Variants in NRG1 observed in about 807,000 individuals in gnomAD.
NRG1 encodes the protein pro-neuregulin-1, membrane-bound isoform.
A neutral mutation model predicts 63.8 loss-of-function variants in NRG1; 18 were observed. The ratio of observed to expected loss-of-function variants is 0.28; its 90% confidence interval spans 0.19 to 0.42. NRG1 has a LOEUF of 0.42. NRG1 is among the 10% of genes least tolerant of loss of function. The pLI is 1.00. For synonymous variants in NRG1, 302 were observed against 301.3 expected, an observed-to-expected ratio of 1.00 and a Z score of -0.02; for missense variants, 762 against 814.7, an observed-to-expected ratio of 0.94 and a Z score of 0.79.
At chr8:31,970,930 G>T (rs1264302562) in intron 1 of NRG1, among the ~76,000 whole-genome samples, 2 of 152,048 alleles carry the variant, frequency 1.3e-5, no homozygotes, top group South Asian at 4.2e-4. Context: ...TGTAGTCCCA[G>T]CTACTCGGGA....
chr8:32,717,122 A>T (rs1417898910), intron 5 of NRG1, among the ~76,000 whole-genome samples: 1 of 152,152 alleles, frequency 6.6e-6, no homozygotes, highest in African/African-American at 2.4e-5. Context: ...CACTAAAGAC[A>T]CAGAATTTGC....
chr8:32,079,579 A>C (rs988766051), intron 1 of NRG1, among the ~76,000 whole-genome samples: 2 of 152,218 alleles, frequency 1.3e-5, no homozygotes, highest in Non-Finnish European at 2.9e-5. Context: ...TTTAAAAATG[A>C]ATACATAATG....
chr8:31,699,296 G>A (rs1322871172), intron 1 of NRG1, among the ~76,000 whole-genome samples: 1 of 152,002 alleles, frequency 6.6e-6, no homozygotes, highest in Non-Finnish European at 1.5e-5. Flanking sequence ...CCTTTTAGAA[G>A]CCCAGGTAAC....
At chr8:32,388,569 A>G (rs1443520140) in intron 1 of NRG1, among the ~76,000 whole-genome samples, 2 of 152,138 alleles carry the variant, frequency 1.3e-5, no homozygotes, top group Non-Finnish European at 2.9e-5. Flanking sequence ...TCTGGGAAGG[A>G]TGGGTCTGGA....
At chr8:32,226,844 AGAGG>A (rs1846378605) in intron 1 of NRG1, among the ~76,000 whole-genome samples, 1 of 152,196 alleles carries the variant, frequency 6.6e-6, no homozygotes, top group South Asian at 2.1e-4. Flanking sequence ...TCACAACAAA[AGAGG>A]AAGGAAGTTC....
intron 1 of NRG1, among the ~76,000 whole-genome samples, chr8:31,679,515 T>C (rs1808096530): frequency 6.6e-6 from 1 of 152,120 alleles, no homozygotes; most frequent in African/African-American, 2.4e-5. Context: ...ATGTAAAAAC[T>C]GCATTCCATA....
At chr8:31,639,314 C>A (rs1803503609) in exon 1 of NRG1, 3 of 1,502,644 alleles carry the variant, frequency 2.0e-6, no homozygotes, top group Admixed American at 3.9e-5. Context: ...GCACTCGGGG[C>A]GACAGAGAGG....
chr8:31,766,109 A>C (rs777769628), intron 1 of NRG1, among the ~76,000 whole-genome samples: 1 of 152,186 alleles, frequency 6.6e-6, no homozygotes, highest in Non-Finnish European at 1.5e-5. Context: ...ATTCAGGAAC[A>C]GGCAAGAGAC....
intron 1 of NRG1, among the ~76,000 whole-genome samples, chr8:31,866,486 C>T (rs1439956850): frequency 6.6e-6 from 1 of 152,084 alleles, no homozygotes; most frequent in East Asian, 1.9e-4. Context: ...TGTTGACTTT[C>T]ATTGCTACAT....
intron 1 of NRG1, among the ~76,000 whole-genome samples, chr8:31,671,579 T>C (rs771099111): frequency 3.4e-4 from 52 of 152,196 alleles, no homozygotes; most frequent in Admixed American, 1.1e-3. Flanking sequence ...ATCTTCCTTC[T>C]TAAAGACAGA....
At chr8:31,730,761 C>T (rs1813953802) in intron 1 of NRG1, among the ~76,000 whole-genome samples, 1 of 151,908 alleles carries the variant, frequency 6.6e-6, no homozygotes, top group South Asian at 2.1e-4. Context: ...TAGGCAAAAA[C>T]CAAGAAGAAA....
chr8:32,664,701 G>A (rs922513452), intron 5 of NRG1, among the ~76,000 whole-genome samples: 2 of 152,108 alleles, frequency 1.3e-5, no homozygotes, highest in Non-Finnish European at 2.9e-5. Flanking sequence ...GAAATGGGAT[G>A]CCATGCATGA....
At chr8:32,198,270 T>C (rs1308519221) in intron 1 of NRG1, among the ~76,000 whole-genome samples, 1 of 151,996 alleles carries the variant, frequency 6.6e-6, no homozygotes, top group East Asian at 1.9e-4. Flanking sequence ...CTCTGCCTCC[T>C]GGGTCCTAGC....
chr8:32,107,060 TACAACAACA>T (rs10633352), intron 1 of NRG1, among the ~76,000 whole-genome samples: 8 of 150,070 alleles, frequency 5.3e-5, no homozygotes, highest in Non-Finnish European at 4.4e-5. Context: ...CTACTAAAAA[TACAACAACA>T]ACAACAACAA....
intron 7 of NRG1, among the ~76,000 whole-genome samples, chr8:32,747,172 T>C (rs1329869962): frequency 1.3e-5 from 2 of 152,168 alleles, no homozygotes; most frequent in Non-Finnish European, 2.9e-5. Context: ...ACTAATTTTA[T>C]TGAAGACTTA....
At chr8:32,165,181 C>T (rs1356068474) in intron 1 of NRG1, among the ~76,000 whole-genome samples, 1 of 151,426 alleles carries the variant, frequency 6.6e-6, no homozygotes, top group African/African-American at 2.4e-5. Context: ...TTCTGTTGCA[C>T]AGGCTGAAGT....
intron 1 of NRG1, among the ~76,000 whole-genome samples, chr8:31,948,042 G>T (rs9649887): frequency 2.6e-5 from 4 of 151,274 alleles, no homozygotes; most frequent in East Asian, 2.0e-4. Flanking sequence ...TATTTATAAA[G>T]GTGTAGAAGA....
chr8:32,183,866 AG>A (rs1404697466), intron 1 of NRG1, among the ~76,000 whole-genome samples: 1 of 152,164 alleles, frequency 6.6e-6, no homozygotes, highest in Non-Finnish European at 1.5e-5. Flanking sequence ...TGAGAATCAA[AG>A]CTCCTGATAC....
chr8:32,441,671 G>A (rs754926316), intron 1 of NRG1, among the ~76,000 whole-genome samples: 2 of 152,044 alleles, frequency 1.3e-5, no homozygotes, highest in South Asian at 2.1e-4. Flanking sequence ...CAATTTCTCT[G>A]CTTTCAAGAC....
Sources: gnomAD v4.1 joint callset for allele counts (sites outside exome capture counted in the v4.1 genomes callset) on GRCh38, gnomAD v4.1.1 for gene constraint, MANE v1.5 for transcripts, NCBI Gene and HGNC (gene_info 2026-07-23, HGNC 2026-07-21) for gene names.